The following CEP128 variants were observed in gnomAD, a reference collection of about 807,000 sequenced individuals.
CEP128 encodes centrosomal protein 128kDa.
CEP128 carries 132 observed loss-of-function variants against 156.7 expected under a neutral mutation model. That is an observed-to-expected ratio of 0.84 (90% CI 0.73 to 0.97). The LOEUF is 0.97. Ranked by LOEUF, CEP128 falls within the 50% of genes least tolerant of loss-of-function variation. The pLI is 0.00. For synonymous variants in CEP128, 469 were observed against 448.9 expected (o/e 1.04, Z -0.57); for missense variants, 1,252 against 1,281.9 (o/e 0.98, Z 0.36).
chr14:80,929,396 A>G (rs577888233), intron 2 of CEP128, among the ~76,000 whole-genome samples: 14 of 152,346 alleles, frequency 9.2e-5, no homozygotes, highest in Admixed American at 3.3e-4. Flanking sequence ...ATAAGTCACT[A>G]TGTCAAAAAG....
chr14:80,712,156 G>A (rs1244497395), intron 19 of CEP128, among the ~76,000 whole-genome samples: 3 of 152,014 alleles, frequency 2.0e-5, no homozygotes, highest in East Asian at 1.9e-4. Context: ...ACTAATGTTC[G>A]GATCTGCCTG....
At chr14:80,858,951 A>T (rs1387347290) in intron 9 of CEP128, among the ~76,000 whole-genome samples, 1 of 152,068 alleles carries the variant, frequency 6.6e-6, no homozygotes, top group African/African-American at 2.4e-5. Flanking sequence ...TGTTGGTGGG[A>T]CTGTAAACTA....
chr14:80,805,984 T>C (rs1884154086), intron 13 of CEP128, among the ~76,000 whole-genome samples: 1 of 152,230 alleles, frequency 6.6e-6, no homozygotes, highest in African/African-American at 2.4e-5. Flanking sequence ...ATTCAAATTC[T>C]TAATGAGTGA....
intron 19 of CEP128, among the ~76,000 whole-genome samples, chr14:80,670,560 G>A (rs959699530): frequency 3.9e-5 from 6 of 152,162 alleles, no homozygotes; most frequent in Non-Finnish European, 7.4e-5. Flanking sequence ...GTTCTCACTT[G>A]TAAGTGGGAG....
At chr14:80,713,451 T>G (rs1033469990) in intron 19 of CEP128, among the ~76,000 whole-genome samples, 1 of 152,148 alleles carries the variant, frequency 6.6e-6, no homozygotes, top group African/African-American at 2.4e-5. Flanking sequence ...CTTCTTCACC[T>G]GGCAAACTCC....
At position 80,935,863 on chromosome 14, in the gene CEP128, C is replaced by T. The variant is rs75373902; in HGVS notation, c.-16+3522G>A. Among the ~76,000 whole-genome samples, 625 of 152,172 alleles carry T rather than the reference C, an allele frequency of 4.1e-3. 5 individuals are homozygous for T. Among genetic ancestry groups the T allele is most frequent in the African/African-American group, 0.014 (595 of 41,514 alleles). On this transcript the variant is annotated intron_variant, in intron 2 of 24. Transcript: ENST00000555265. ...ACTTTACTTGTATTAACTAATGTAA[C>T]CCCAACAGTAGCCCTAGAGTAAACA...
chr14:80,780,134 A>G (rs1901027498), intron 15 of CEP128, among the ~76,000 whole-genome samples: 1 of 152,160 alleles, frequency 6.6e-6, no homozygotes, highest in Non-Finnish European at 1.5e-5. Context: ...TAGAAGGAGG[A>G]AAAAAATAGA....
Position 80,895,794 on chromosome 14 carries a change from G to C in CEP128, c.573-4C>G, listed in dbSNP as rs951942229. On this transcript the variant is annotated splice_polypyrimidine_tract_variant and splice_region_variant and intron_variant, in intron 7 of 24. Transcript: ENST00000555265. ...CCTTTTTGTTTCGGCATCTGACCTA[G>C]GAAGAAAAAAAAAAAAAAGATTTAA... 2.3e-6 allele frequency: 3 copies of C among 1,285,978 alleles called. No homozygotes were observed. Among genetic ancestry groups the C allele is most frequent in the Non-Finnish European group, 3.0e-6 (3 of 1,005,464 alleles). 79.7% of individuals were successfully genotyped at this position (1,285,978 alleles called of 1,614,324 possible).
At chr14:80,892,003 A>G (rs531762020) in intron 8 of CEP128, among the ~76,000 whole-genome samples, 2 of 152,110 alleles carry the variant, frequency 1.3e-5, no homozygotes, top group Non-Finnish European at 2.9e-5. Flanking sequence ...ACCCAAAGCA[A>G]AATATAGGTT....
At chr14:80,673,335 T>C (rs1284274738) in intron 19 of CEP128, among the ~76,000 whole-genome samples, 5 of 152,208 alleles carry the variant, frequency 3.3e-5, no homozygotes. Flanking sequence ...TTAGAGTTGA[T>C]GAGCATTTTT....
At chr14:80,560,631 G>A (rs1890629333) in intron 20 of CEP128, among the ~76,000 whole-genome samples, 1 of 152,084 alleles carries the variant, frequency 6.6e-6, no homozygotes, top group Non-Finnish European at 1.5e-5. Context: ...GGCTGAGGAA[G>A]GCAGACCCAC....
chr14:80,643,083 A>T lies in CEP128; in HGVS notation c.2807-62660T>A, dbSNP rs901089087. Among the ~76,000 whole-genome samples the T allele has an allele frequency of 5.3e-5, 8 of 152,326 alleles. No individual in the cohort carries two copies. In the East Asian group the frequency reaches 1.5e-3, roughly 29 times the overall value. Reference sequence around the variant, plus strand: ...CACATATATTAAGGGTACCTCAAAAACAGCATCTAAATCTAAACTTGTTAT... The same window carrying T: ...CACATATATTAAGGGTACCTCAAAATCAGCATCTAAATCTAAACTTGTTAT... On this transcript the variant is annotated intron_variant, in intron 19 of 24. Transcript: ENST00000555265.
chr14:80,720,258 G>T (rs1595280740), intron 19 of CEP128, among the ~76,000 whole-genome samples: 1 of 152,152 alleles, frequency 6.6e-6, no homozygotes, highest in African/African-American at 2.4e-5. Context: ...TGAAGCTGGA[G>T]AATGGGCAGA....
At chr14:80,852,273 C>A (rs1195895342) in intron 9 of CEP128, among the ~76,000 whole-genome samples, 1 of 151,728 alleles carries the variant, frequency 6.6e-6, no homozygotes, top group Non-Finnish European at 1.5e-5. Flanking sequence ...AAAATAAGCA[C>A]ACATATATCT....
chr14:80,658,528 A>G (rs371237202), intron 19 of CEP128, among the ~76,000 whole-genome samples: 23 of 152,202 alleles, frequency 1.5e-4, no homozygotes, highest in African/African-American at 5.5e-4. Flanking sequence ...AGCAGCTTAC[A>G]TACTTATTTA....
At position 80,785,036 on chromosome 14, in the gene CEP128, T is replaced by C. The variant is rs1262036669; in HGVS notation, c.2070A>G (p.Arg690=). 1 of 1,614,082 alleles carries C rather than the reference T, an allele frequency of 6.2e-7. No homozygotes were observed. The highest frequency in any genetic ancestry group is 8.5e-7 in the Non-Finnish European group (1 of 1,180,012). The change falls in exon 15 of 25, where the codon CGA becomes CGG. Residue 690 remains arginine, a synonymous_variant. Transcript: ENST00000555265. ...ATIITQLKLE[R]DVHQRELKDL... is the part of the protein sequence containing the mutation. ...CTTTCAGCTCCCTCTGGTGCACATC[T>C]CGTTCCAGCTTTAACTGTGTGATGA... is the stretch of plus-strand genomic sequence containing the variant.
intron 19 of CEP128, among the ~76,000 whole-genome samples, chr14:80,659,533 A>G (rs1224345841): frequency 6.6e-6 from 1 of 152,204 alleles, no homozygotes; most frequent in African/African-American, 2.4e-5. Flanking sequence ...TTCACTTAAC[A>G]TGCCTTACTG....
chr14:80,727,214 T>C (rs1188565463), intron 19 of CEP128, among the ~76,000 whole-genome samples: 4 of 152,134 alleles, frequency 2.6e-5, no homozygotes, highest in Non-Finnish European at 5.9e-5. Context: ...AGGTAACAAT[T>C]CTACCTAGCA....
At chr14:80,619,759 C>A (rs1210698739) in intron 19 of CEP128, among the ~76,000 whole-genome samples, 1 of 150,882 alleles carries the variant, frequency 6.6e-6, no homozygotes, top group East Asian at 1.9e-4. Flanking sequence ...AAAATAACTT[C>A]TGGAAATAAA....
Sources: gnomAD v4.1 joint callset for allele counts (sites outside exome capture counted in the v4.1 genomes callset) on GRCh38, gnomAD v4.1.1 for gene constraint, MANE v1.5 for transcripts, NCBI Gene and HGNC (gene_info 2026-07-23, HGNC 2026-07-21) for gene names.